The following REC114 variants were observed in gnomAD, a reference collection of about 807,000 sequenced individuals.
REC114 encodes the protein REC114 meiotic recombination protein.
REC114 carries 27 observed loss-of-function variants against 31.3 expected under a neutral mutation model. The ratio of observed to expected loss-of-function variants is 0.86; its 90% CI spans 0.64 to 1.19. The LOEUF (loss-of-function observed/expected upper bound fraction) is 1.19, where lower values mean the gene tolerates loss of function less well. REC114 is among the 50% of genes most tolerant of loss of function. The pLI, the probability that REC114 is intolerant of heterozygous loss-of-function variation, is 0.00. For missense variants in REC114, 344 were observed against 326.9 expected (o/e 1.05, Z -0.40); for synonymous variants, 134 against 127.7 (o/e 1.05, Z -0.33).
intron 2 of REC114, among the ~76,000 whole-genome samples, chr15:73,528,057 CT>C (rs1346499314): frequency 6.6e-6 from 1 of 151,794 alleles, no homozygotes; most frequent in Non-Finnish European, 1.5e-5. Context: ...TCAAATGACA[CT>C]TTTTTAAAAA....
At chr15:73,485,853 C>G (rs187574806) in intron 2 of REC114, among the ~76,000 whole-genome samples, 62 of 152,294 alleles carry the variant, frequency 4.1e-4, no homozygotes, top group African/African-American at 1.2e-3. Flanking sequence ...GGAAACAAAG[C>G]TCTTCATAAC....
At chr15:73,521,207 T>C (rs115554450) in intron 2 of REC114, among the ~76,000 whole-genome samples, 1,578 of 152,052 alleles carry the variant, frequency 0.01, 27 homozygotes, top group African/African-American at 0.036. Flanking sequence ...CAATAGCAAA[T>C]AGAAGAGCAG....
intron 3 of REC114, among the ~76,000 whole-genome samples, chr15:73,544,205 G>A (rs1894279726): frequency 1.3e-5 from 2 of 152,006 alleles, no homozygotes; most frequent in African/African-American, 4.8e-5. Context: ...TTTATCAAAT[G>A]CTTTTTGACA....
chr15:73,470,471 T>C (rs942152980), intron 1 of REC114, among the ~76,000 whole-genome samples: 5 of 152,246 alleles, frequency 3.3e-5, no homozygotes, highest in African/African-American at 4.8e-5. Context: ...GAAGACATCT[T>C]TATTTCCTTT....
intron 5 of REC114, among the ~76,000 whole-genome samples, chr15:73,556,863 C>T (rs1331907878): frequency 6.6e-6 from 1 of 152,080 alleles, no homozygotes; most frequent in African/African-American, 2.4e-5. Flanking sequence ...GCTGTTAACT[C>T]AGACTTGCTT....
intron 1 of REC114, among the ~76,000 whole-genome samples, chr15:73,457,053 T>C (rs1892924690): frequency 6.6e-6 from 1 of 151,478 alleles, no homozygotes; most frequent in Non-Finnish European, 1.5e-5. Context: ...TTTGTATTTC[T>C]GTATTTCTGA....
At chr15:73,490,330 G>A (rs1015737152) in intron 2 of REC114, among the ~76,000 whole-genome samples, 2 of 151,774 alleles carry the variant, frequency 1.3e-5, no homozygotes, top group South Asian at 2.1e-4. Context: ...AGAATATTAC[G>A]TCTTTGAATA....
At chr15:73,550,794 A>G (rs951353911) in intron 3 of REC114, 144 bp from the exon 4 acceptor site, 4 of 714,096 alleles carry the variant, frequency 5.6e-6, no homozygotes, top group East Asian at 2.7e-5. Flanking sequence ...TGGCTTTTCT[A>G]TGCCTGCATC....
intron 2 of REC114, chr15:73,483,269 CGCT>C (rs35053500): frequency 0.15 from 22,827 of 154,764 alleles, 2,503 homozygotes; most frequent in African/African-American, 0.32. Context: ...TTTGAGCTGC[CGCT>C]GCTGCTGCTG....
chr15:73,480,034 C>A (rs542365145), intron 2 of REC114, among the ~76,000 whole-genome samples: 1 of 152,230 alleles, frequency 6.6e-6, no homozygotes, highest in Non-Finnish European at 1.5e-5. Flanking sequence ...AATGGCTATA[C>A]CAATTTACAT....
At chr15:73,513,980 G>A (rs1321832029) in intron 2 of REC114, among the ~76,000 whole-genome samples, 35 of 152,174 alleles carry the variant, frequency 2.3e-4, no homozygotes, top group African/African-American at 8.4e-4. Flanking sequence ...CACCCAGTTC[G>A]AGCTTCCTGG....
intron 2 of REC114, among the ~76,000 whole-genome samples, chr15:73,504,744 G>A (rs994670838): frequency 7.2e-5 from 11 of 152,108 alleles, no homozygotes; most frequent in Non-Finnish European, 1.3e-4. Flanking sequence ...GGTTTGGAAT[G>A]AGTCTTTTAA....
chr15:73,485,584 G>T (rs529167135), intron 2 of REC114, among the ~76,000 whole-genome samples: 1 of 152,086 alleles, frequency 6.6e-6, no homozygotes, highest in East Asian at 1.9e-4. Context: ...GTGAGTTCTC[G>T]TGAGATCTGG....
At chr15:73,508,601 C>G (rs1481010642) in intron 2 of REC114, among the ~76,000 whole-genome samples, 4 of 116,696 alleles carry the variant, frequency 3.4e-5, no homozygotes, top group South Asian at 3.5e-4. Context: ...CCCCTCCCCC[C>G]ACCCCACAAC....
At chr15:73,543,691 T>C (rs1485386666) in intron 3 of REC114, among the ~76,000 whole-genome samples, 1 of 152,180 alleles carries the variant, frequency 6.6e-6, no homozygotes, top group Non-Finnish European at 1.5e-5. Flanking sequence ...TTTTTCTGAA[T>C]TAGTTTAAAT....
intron 2 of REC114, among the ~76,000 whole-genome samples, chr15:73,509,182 T>G (rs2141313543): frequency 6.6e-6 from 1 of 152,316 alleles, no homozygotes; most frequent in Middle Eastern, 3.4e-3. Context: ...GATTTGCGTT[T>G]CTCTGATGGC....
At chr15:73,482,339 G>A (rs1157141114) in intron 2 of REC114, among the ~76,000 whole-genome samples, 1 of 152,114 alleles carries the variant, frequency 6.6e-6, no homozygotes, top group Admixed American at 6.5e-5. Context: ...AGATCTGGTT[G>A]TTTAAAATAG....
At position 73,556,303 on chromosome 15, in the gene REC114, C is replaced by A; in HGVS notation, c.548C>A (p.Ser183Tyr). 1 of 1,612,846 alleles carries A rather than the reference C, an allele frequency of 6.2e-7. No homozygotes were observed. Among genetic ancestry groups the A allele is most frequent in the Non-Finnish European group, 8.5e-7 (1 of 1,179,422 alleles). Residue 183 changes from serine (S) to tyrosine (Y), a missense_variant and splice_region_variant, in exon 5 of 6, where the codon TCC (serine) becomes TAC (tyrosine). Physicochemically the swap from Ser to Tyr is moderately radical, Grantham distance 144. Transcript: ENST00000331090. ...TTATTGCATGTTGTTTTATTCCAGTCCCACCAGCACTCAGAACAACAGCAA... is the reference window on the plus strand; with the variant it reads ...TTATTGCATGTTGTTTTATTCCAGTACCACCAGCACTCAGAACAACAGCAA... ...SAKSVPRQPG[S>Y]HQHSEQQQVC...
intron 2 of REC114, among the ~76,000 whole-genome samples, chr15:73,502,398 GA>G (rs1002698295): frequency 2.6e-5 from 4 of 152,084 alleles, no homozygotes; most frequent in Non-Finnish European, 4.4e-5. Context: ...TTGACTCACT[GA>G]AACGTAACTA....
Sources: allele counts gnomAD v4.1 joint callset (sites outside exome capture counted in the v4.1 genomes callset), GRCh38; gene constraint gnomAD v4.1.1; transcripts MANE v1.5; gene names NCBI Gene and HGNC (gene_info 2026-07-23, HGNC 2026-07-21).